Variants in CRACD observed in about 807,000 individuals in gnomAD.
CRACD encodes capping protein inhibiting regulator of actin dynamics, also known as capping protein-inhibiting regulator of actin dynamics.
A neutral mutation model predicts 106.8 loss-of-function variants in CRACD; 56 were observed. The observed-to-expected ratio is 0.52, with a 90% confidence interval of 0.42 to 0.66. The LOEUF (loss-of-function observed/expected upper bound fraction) is 0.66. Among genes scored for constraint, CRACD ranks in the 30% least tolerant of loss-of-function variants. The pLI is 0.00. For synonymous variants in CRACD, 754 were observed against 670.8 expected, an observed-to-expected ratio of 1.12 and a Z score of -1.92; for missense variants, 1,730 against 1,623.2, an observed-to-expected ratio of 1.07 and a Z score of -1.13.
rs144673146 is a variant in CRACD at position 56,277,454 on chromosome 4, TA to T, written c.-17+4975del. 6.6e-3 allele frequency among the ~76,000 whole-genome samples: 943 copies of T among 143,684 alleles called. 4 individuals are homozygous for T. Among genetic ancestry groups the T allele is most frequent in the African/African-American group, 0.014 (565 of 39,660 alleles). 94.3% of individuals were successfully genotyped at this position (143,684 alleles called of 152,430 possible). A position where few individuals can be genotyped will look rare whatever the true frequency, so the allele number is the denominator to read the frequency against. ...AGATCCAACATCCTTTCATGATTTATAAAAAAAAAAAAATAGACAACACTGG... is the reference window on the plus strand; with the variant it reads ...AGATCCAACATCCTTTCATGATTTATAAAAAAAAAAAATAGACAACACTGG... On this transcript the variant is annotated intron_variant, in intron 3 of 10. Coordinates refer to ENST00000682029, the MANE Select transcript of CRACD (RefSeq NM_001393381.1).
intron 1 of CRACD, among the ~76,000 whole-genome samples, chr4:56,165,216 C>T (rs577477079): frequency 6.6e-6 from 1 of 152,314 alleles, no homozygotes; most frequent in South Asian, 2.1e-4. Context: ...ACATTACTGC[C>T]TTCAGTGATG....
At chr4:56,070,617 A>G (rs186185646) in intron 1 of CRACD, among the ~76,000 whole-genome samples, 2 of 152,212 alleles carry the variant, frequency 1.3e-5, no homozygotes, top group African/African-American at 4.8e-5. Flanking sequence ...CAGCTCTAGC[A>G]CCACCTGAGA....
chr4:56,191,458 T>C (rs1451678818), intron 2 of CRACD, among the ~76,000 whole-genome samples: 1 of 145,656 alleles, frequency 6.9e-6, no homozygotes, highest in Non-Finnish European at 1.5e-5. Flanking sequence ...GCTTCTACCA[T>C]CACATCCTCT....
chr4:56,271,110 A>G (rs1220480434), intron 2 of CRACD, among the ~76,000 whole-genome samples: 1 of 152,030 alleles, frequency 6.6e-6, no homozygotes, highest in Non-Finnish European at 1.5e-5. Flanking sequence ...CATCTCAAAA[A>G]AAAAAAAAAA....
chr4:56,240,566 G>A (rs1270951590), intron 2 of CRACD, among the ~76,000 whole-genome samples: 7 of 152,090 alleles, frequency 4.6e-5, no homozygotes, highest in African/African-American at 9.7e-5. Flanking sequence ...GTGCAGTAGC[G>A]TGATCACAAC....
At chr4:56,176,717 G>A (rs1736600978) in intron 1 of CRACD, among the ~76,000 whole-genome samples, 1 of 152,176 alleles carries the variant, frequency 6.6e-6, no homozygotes, top group Non-Finnish European at 1.5e-5. Flanking sequence ...TTACAGGCAT[G>A]AGCCACCAAG....
At chr4:56,248,162 A>C (rs1402062062) in intron 2 of CRACD, among the ~76,000 whole-genome samples, 2 of 152,204 alleles carry the variant, frequency 1.3e-5, no homozygotes, top group Non-Finnish European at 2.9e-5. Context: ...CCACTGAAGA[A>C]TCAGGAGTGT....
chr4:56,094,421 CTTTTTTTTTTT>C (rs1050719130), intron 1 of CRACD, among the ~76,000 whole-genome samples: 1 of 117,084 alleles, frequency 8.5e-6, no homozygotes, highest in African/African-American at 3.2e-5. Context: ...CATATAGATT[CTTTTTTTTTTT>C]TTTTTTTTTT....
At chr4:56,307,844 AG>A (rs1744842784) in intron 5 of CRACD, 145 bp downstream of exon 5, 1 of 745,170 alleles carries the variant, frequency 1.3e-6, no homozygotes, top group African/African-American at 1.8e-5. Flanking sequence ...ACTTCCTGGT[AG>A]GTGTCCTGAC....
chr4:56,163,756 T>C (rs1332586853), intron 1 of CRACD, among the ~76,000 whole-genome samples: 1 of 152,152 alleles, frequency 6.6e-6, no homozygotes, highest in Non-Finnish European at 1.5e-5. Flanking sequence ...GTGTATCTTT[T>C]TTTTTTTGAG....
Position 56,236,561 on chromosome 4 carries a change from G to A in CRACD, c.-188-35760G>A, listed in dbSNP as rs561316510. Reference sequence around the variant, plus strand: ...ACAGCTTTGAACTACTCACACAGGTGGGCCACTGTGGGGCACAGAGATGAT... The same window carrying A: ...ACAGCTTTGAACTACTCACACAGGTAGGCCACTGTGGGGCACAGAGATGAT... On this transcript the variant is annotated intron_variant, in intron 2 of 10. Transcript: ENST00000682029. Among the ~76,000 whole-genome samples the A allele has an allele frequency of 1.4e-3, 219 of 152,232 alleles. 1 individual carries two copies. The highest frequency in any genetic ancestry group is 4.4e-3 in the African/African-American group (183 of 41,528).
intron 1 of CRACD, among the ~76,000 whole-genome samples, chr4:56,100,484 A>C (rs1733743101): frequency 6.6e-6 from 1 of 152,218 alleles, no homozygotes; most frequent in African/African-American, 2.4e-5. Flanking sequence ...TAAAACTGTC[A>C]ATAGGAAGAT....
Position 56,329,472 on chromosome 4 carries a change from A to G in CRACD, c.*1668A>G, listed in dbSNP as rs572052527. On this transcript the variant is annotated 3_prime_UTR_variant, in exon 11 of 11. Coordinates refer to ENST00000682029, the MANE Select transcript of CRACD (RefSeq NM_001393381.1). ...TAGAAACCATTTTCTTTCTAGAAAC[A>G]ATAGCTCAGCCTCACTGTAGCAGCT... Among the ~76,000 whole-genome samples, 1 of 152,366 alleles carries G rather than the reference A, an allele frequency of 6.6e-6. No homozygotes were observed. The highest frequency in any genetic ancestry group is 2.4e-5 in the African/African-American group (1 of 41,596).
intron 1 of CRACD, among the ~76,000 whole-genome samples, chr4:56,105,001 GC>G (rs1209074374): frequency 6.7e-6 from 1 of 149,286 alleles, no homozygotes; most frequent in Non-Finnish European, 1.5e-5. Flanking sequence ...AAAACTACCT[GC>G]CCCCAAGTAA....
chr4:56,193,775 T>C (rs1054081189), intron 2 of CRACD, among the ~76,000 whole-genome samples: 45 of 152,320 alleles, frequency 3.0e-4, no homozygotes, highest in African/African-American at 6.3e-4. Flanking sequence ...TTATAGGCTA[T>C]TATGTTTTAT....
intron 2 of CRACD, among the ~76,000 whole-genome samples, chr4:56,218,428 T>TCCCCTCCCTTTCCA (rs1738836060): frequency 7.2e-6 from 1 of 138,578 alleles, no homozygotes; most frequent in Non-Finnish European, 1.6e-5. Context: ...TTTCCCTCCC[T>TCCCCTCCCTTTCCA]TCCCCTCCCT....
chr4:56,063,538 C>T (rs1732353955), intron 1 of CRACD, among the ~76,000 whole-genome samples: 1 of 152,052 alleles, frequency 6.6e-6, no homozygotes, highest in South Asian at 2.1e-4. Flanking sequence ...ACAGTAACTC[C>T]TCATTGTTTA....
intron 9 of CRACD, 63 bp downstream of exon 9, chr4:56,323,630 A>C: frequency 7.0e-7 from 1 of 1,422,178 alleles, no homozygotes; most frequent in Non-Finnish European, 9.3e-7. Flanking sequence ...TTTCAGTCAC[A>C]AGGATACAAA....
At chr4:56,069,785 C>G (rs1732575368) in intron 1 of CRACD, among the ~76,000 whole-genome samples, 1 of 152,182 alleles carries the variant, frequency 6.6e-6, no homozygotes, top group Non-Finnish European at 1.5e-5. Context: ...CAGTCTTTCT[C>G]CTTCCCTGCT....
Sources: allele counts gnomAD v4.1 joint callset (sites outside exome capture counted in the v4.1 genomes callset), GRCh38; gene constraint gnomAD v4.1.1; transcripts MANE v1.5; gene names NCBI Gene and HGNC (gene_info 2026-07-23, HGNC 2026-07-21).